The following RAD51B variants were observed in gnomAD, a reference collection of about 807,000 sequenced individuals.
RAD51B encodes the protein DNA repair protein RAD51 homolog 2.
RAD51B carries 38 observed loss-of-function variants against 42.2 expected under a neutral mutation model. That is an observed-to-expected ratio of 0.90 (90% CI 0.70 to 1.18). The LOEUF is 1.18. Ranked by LOEUF, RAD51B falls within the 50% of genes most tolerant of loss-of-function variation. RAD51B has a pLI of 0.00. For synonymous variants in RAD51B, 154 were observed against 145.2 expected (o/e 1.06, Z -0.43); for missense variants, 373 against 400.7 (o/e 0.93, Z 0.59).
intron 7 of RAD51B, among the ~76,000 whole-genome samples, chr14:68,187,851 G>A (rs2079187597): frequency 1.3e-5 from 2 of 151,992 alleles, no homozygotes; most frequent in South Asian, 2.1e-4. Flanking sequence ...GTCTTGCTCT[G>A]TCACCCAGGC....
chr14:68,585,261 A>G (rs899533246), intron 10 of RAD51B, among the ~76,000 whole-genome samples: 3 of 152,132 alleles, frequency 2.0e-5, no homozygotes, highest in East Asian at 1.9e-4. Context: ...CTGTCTCCCC[A>G]TGGGGAATTT....
intron 7 of RAD51B, among the ~76,000 whole-genome samples, chr14:68,217,974 C>T (rs1050891294): frequency 5.3e-5 from 8 of 152,152 alleles, no homozygotes; most frequent in African/African-American, 1.9e-4. Flanking sequence ...AGAACTATTC[C>T]TTATCTGTAA....
At chr14:68,485,122 T>A (rs1484236649) in intron 10 of RAD51B, among the ~76,000 whole-genome samples, 1 of 152,174 alleles carries the variant, frequency 6.6e-6, no homozygotes, top group African/African-American at 2.4e-5. Context: ...CAGCTTTTCC[T>A]AGAGGGGCTG....
At chr14:68,248,781 C>G (rs1423711699) in intron 7 of RAD51B, among the ~76,000 whole-genome samples, 1 of 152,236 alleles carries the variant, frequency 6.6e-6, no homozygotes, top group Non-Finnish European at 1.5e-5. Flanking sequence ...AGATTTCCAT[C>G]TTTCTTTTTT....
At chr14:67,994,048 TG>T (rs2075341872) in intron 7 of RAD51B, among the ~76,000 whole-genome samples, 1 of 145,110 alleles carries the variant, frequency 6.9e-6, no homozygotes, top group Non-Finnish European at 1.5e-5. Flanking sequence ...ATATTAATAT[TG>T]CTTTGAAACT....
intron 7 of RAD51B, among the ~76,000 whole-genome samples, chr14:68,021,402 G>GT (rs993732356): frequency 3.4e-4 from 52 of 152,110 alleles, no homozygotes; most frequent in African/African-American, 1.2e-3. Flanking sequence ...GTGAGATGGT[G>GT]TTTCTCTTAC....
intron 8 of RAD51B, among the ~76,000 whole-genome samples, chr14:68,359,870 G>T (rs924149324): frequency 2.6e-5 from 4 of 152,074 alleles, no homozygotes; most frequent in Non-Finnish European, 2.9e-5. Flanking sequence ...ACTGAAAGAA[G>T]GAGAAAGAAA....
At chr14:67,933,007 T>C (rs534193438) in intron 7 of RAD51B, among the ~76,000 whole-genome samples, 2 of 152,232 alleles carry the variant, frequency 1.3e-5, no homozygotes, top group Admixed American at 6.5e-5. Context: ...GACCACTCCA[T>C]TGGTGCAGGC....
intron 10 of RAD51B, among the ~76,000 whole-genome samples, chr14:68,535,436 G>A (rs565126534): frequency 7.9e-6 from 1 of 126,708 alleles, no homozygotes; most frequent in Admixed American, 1.0e-4. Context: ...TTTAGTTTCT[G>A]CATATTCCCA....
Position 67,965,678 on chromosome 14 carries a change from A to C in RAD51B, c.756+78474A>C, listed in dbSNP as rs1186760395. On this transcript the variant is annotated intron_variant, in intron 7 of 10. Transcript: ENST00000471583. ...TTGCCAGACGCACACACACATGTAC[A>C]TTTACTCCATTCCCACAAGCTTCCT... Among the ~76,000 whole-genome samples the C allele has an allele frequency of 9.2e-5, 14 of 151,988 alleles. 1 individual carries two copies. In the East Asian group the frequency reaches 2.7e-3, roughly 29 times the overall value.
In RAD51B at chr14:68,515,822, G is replaced by GGCTGGAGT. The variant is rs71129896; in HGVS notation, c.1036+47583_1036+47590dup. On this transcript the variant is annotated intron_variant, in intron 10 of 10. Transcript: ENST00000487270. Reference sequence around the variant, plus strand: ...AGACAGAGTCTCACTCTGTCGCCCAGGCTGGAGTGCTGGAGTGCAGTGGCA... The same window carrying GGCTGGAGT: ...AGACAGAGTCTCACTCTGTCGCCCAGGCTGGAGTGCTGGAGTGCTGGAGTGCAGTGGCA... Among the ~76,000 whole-genome samples the GGCTGGAGT allele has an allele frequency of 3.6e-3, 522 of 144,678 alleles. 2 individuals are homozygous for GGCTGGAGT. The highest frequency in any genetic ancestry group is 6.2e-3 in the Non-Finnish European group (414 of 66,570). The allele number at this position is 144,678 out of a possible 152,430, so 94.9% of individuals were successfully genotyped here. A position where few individuals can be genotyped will look rare whatever the true frequency, so the allele number is the denominator to read the frequency against.
At chr14:68,268,304 T>C (rs1464924297) in intron 7 of RAD51B, among the ~76,000 whole-genome samples, 1 of 152,226 alleles carries the variant, frequency 6.6e-6, no homozygotes, top group Non-Finnish European at 1.5e-5. Context: ...TATACATACA[T>C]ATCATTGTGT....
At chr14:68,678,003 C>T (rs892776461) in intron 11 of RAD51B, among the ~76,000 whole-genome samples, 15 of 152,196 alleles carry the variant, frequency 9.9e-5, no homozygotes, top group Non-Finnish European at 1.8e-4. Context: ...TGCCAGGCTC[C>T]GTGCTAAGCA....
intron 9 of RAD51B, among the ~76,000 whole-genome samples, chr14:68,466,445 C>T (rs897501887): frequency 1.3e-5 from 2 of 152,214 alleles, no homozygotes; most frequent in Non-Finnish European, 2.9e-5. Context: ...GGTTAGAATT[C>T]AGGCTGCACT....
intron 9 of RAD51B, among the ~76,000 whole-genome samples, chr14:68,417,259 G>A (rs2084584341): frequency 6.6e-6 from 1 of 152,160 alleles, no homozygotes; most frequent in African/African-American, 2.4e-5. Context: ...TAGGCAAGGA[G>A]GATTATGTGA....
chr14:68,456,741 G>A (rs1375099450), intron 9 of RAD51B, among the ~76,000 whole-genome samples: 4 of 151,890 alleles, frequency 2.6e-5, no homozygotes, highest in African/African-American at 9.7e-5. Context: ...AGACCTCAAA[G>A]GCATCTATAG....
rs565438927 is a variant in RAD51B at position 67,863,861 on chromosome 14, G to A, written c.316-1142G>A. ...GAGACTGGGTAATTTATGAAGAAGA[G>A]AGGTGTAATCGACTCACAGTTCTGC... On this transcript the variant is annotated intron_variant, in intron 4 of 10. Transcript: ENST00000471583. Among the ~76,000 whole-genome samples the A allele has an allele frequency of 2.9e-3, 447 of 152,286 alleles. 1 individual carries two copies. Among genetic ancestry groups the A allele is most frequent in the Non-Finnish European group, 5.2e-3 (352 of 68,006 alleles).
rs187694518 is a variant in RAD51B, at chr14:67,957,313, C to T, written c.756+70109C>T. Among the ~76,000 whole-genome samples, 4 of 152,286 alleles carry T rather than the reference C, an allele frequency of 2.6e-5. No homozygotes were observed. The East Asian group carries it at 7.7e-4, about 29-fold the overall frequency. On this transcript the variant is annotated intron_variant, in intron 7 of 10. Coordinates refer to ENST00000471583, the MANE Select transcript of RAD51B (RefSeq NM_133510.4). ...CATTTGAGGGACTGAAAGTTGTTGA[C>T]TGTATCTGGAGCCCAGATAATTTCT...
At chr14:68,534,007 G>A (rs891660907) in intron 10 of RAD51B, among the ~76,000 whole-genome samples, 31 of 152,170 alleles carry the variant, frequency 2.0e-4, no homozygotes, top group African/African-American at 7.2e-4. Flanking sequence ...AAGGACATGC[G>A]AGGAGGTGAT....
Sources: allele counts gnomAD v4.1 joint callset (sites outside exome capture counted in the v4.1 genomes callset), GRCh38; gene constraint gnomAD v4.1.1; transcripts MANE v1.5; gene names NCBI Gene and HGNC (gene_info 2026-07-23, HGNC 2026-07-21).